SMAP1: variants seen among roughly 807,000 people sequenced by gnomAD.
SMAP1 encodes the protein small ArfGAP 1.
Under a neutral mutation model 58.5 loss-of-function variants are expected in SMAP1, and 24 were observed. The ratio of observed to expected loss-of-function variants is 0.41; its 90% CI spans 0.30 to 0.58. The LOEUF (loss-of-function observed/expected upper bound fraction) is 0.58, where lower values mean the gene tolerates loss of function less well. Ranked by LOEUF, SMAP1 falls within the 20% of genes least tolerant of loss-of-function variation. The pLI, the probability that SMAP1 is intolerant of heterozygous loss-of-function variation, is 0.29. For synonymous variants in SMAP1, 216 were observed against 196.6 expected (o/e 1.10, Z -0.82); for missense variants, 563 against 566.3 (o/e 0.99, Z 0.06).
chr6:70,788,520 A>C (rs192725968), intron 4 of SMAP1, among the ~76,000 whole-genome samples: 135 of 152,298 alleles, frequency 8.9e-4, no homozygotes, highest in African/African-American at 1.1e-3. Flanking sequence ...TGCGTACTCC[A>C]GACTCTATAG....
At chr6:70,797,545 ACAT>A (rs1310248304) in intron 5 of SMAP1, among the ~76,000 whole-genome samples, 5 of 151,986 alleles carry the variant, frequency 3.3e-5, no homozygotes, top group Non-Finnish European at 2.9e-5. Flanking sequence ...ACCCTCCCAA[ACAT>A]CATATTTTTG....
intron 3 of SMAP1, among the ~76,000 whole-genome samples, chr6:70,760,919 T>G (rs1394523262): frequency 6.6e-6 from 1 of 152,044 alleles, no homozygotes; most frequent in African/African-American, 2.4e-5. Flanking sequence ...ATGATAAAGC[T>G]TTACATTAAG....
At chr6:70,844,382 C>T (rs1267461808) in intron 7 of SMAP1, among the ~76,000 whole-genome samples, 1 of 152,042 alleles carries the variant, frequency 6.6e-6, no homozygotes, top group Non-Finnish European at 1.5e-5. Flanking sequence ...ACAGTAGCAC[C>T]ATGGGGCTCT....
chr6:70,848,604 T>C (rs1299301933), intron 7 of SMAP1, among the ~76,000 whole-genome samples: 3 of 152,198 alleles, frequency 2.0e-5, no homozygotes, highest in Non-Finnish European at 2.9e-5. Context: ...CTCTGTGTCC[T>C]AGTTGGTATA....
intron 6 of SMAP1, among the ~76,000 whole-genome samples, chr6:70,806,658 T>C (rs1769147688): frequency 6.6e-6 from 1 of 152,212 alleles, no homozygotes; most frequent in African/African-American, 2.4e-5. Flanking sequence ...TGAAAGAAGA[T>C]GCTCGATAGG....
chr6:70,724,892 A>G (rs1311465393), intron 1 of SMAP1, among the ~76,000 whole-genome samples: 1 of 151,858 alleles, frequency 6.6e-6, no homozygotes, highest in African/African-American at 2.4e-5. Context: ...GAAACTCCCA[A>G]ACATTCTATT....
chr6:70,757,225 A>G (rs1206868147), intron 3 of SMAP1, among the ~76,000 whole-genome samples: 2 of 149,634 alleles, frequency 1.3e-5, no homozygotes, highest in Non-Finnish European at 3.0e-5. Flanking sequence ...CATATCTACA[A>G]CTATCTGATC....
intron 3 of SMAP1, among the ~76,000 whole-genome samples, chr6:70,760,677 C>G (rs1269714621): frequency 1.3e-5 from 2 of 151,970 alleles, no homozygotes; most frequent in African/African-American, 4.8e-5. Context: ...TTTGAAAAGC[C>G]TAACATTTCT....
intron 1 of SMAP1, chr6:70,668,684 G>C: frequency 6.5e-7 from 1 of 1,536,030 alleles, no homozygotes; most frequent in Non-Finnish European, 8.7e-7. Flanking sequence ...TTTTATCTCT[G>C]CTTCCTGAAA....
intron 1 of SMAP1, among the ~76,000 whole-genome samples, chr6:70,698,244 A>G (rs778445471): frequency 6.6e-6 from 1 of 152,084 alleles, no homozygotes; most frequent in Non-Finnish European, 1.5e-5. Context: ...CTGGCCTGTA[A>G]GGTTTCCACT....
Position 70,726,480 on chromosome 6 carries a change from G to T in SMAP1, c.119-5898G>T, listed in dbSNP as rs193111936. Among the ~76,000 whole-genome samples the T allele has an allele frequency of 3.7e-3, 565 of 152,300 alleles. 2 individuals carry two copies. The highest frequency in any genetic ancestry group is 0.014 in the Middle Eastern group (4 of 294). On this transcript the variant is annotated intron_variant, in intron 1 of 10. Coordinates refer to ENST00000370455, the MANE Select transcript of SMAP1 (RefSeq NM_001044305.3). ...TTTTAAAAGTGCTCTTGGGGCATTG[G>T]AGAAGGCTTTATAGAATAAGTCTTA...
At chr6:70,752,784 A>C (rs181947547) in intron 2 of SMAP1, among the ~76,000 whole-genome samples, 1 of 152,142 alleles carries the variant, frequency 6.6e-6, no homozygotes, top group Admixed American at 6.6e-5. Flanking sequence ...CCTAGAAACT[A>C]AGCTTACCAA....
chr6:70,849,032 G>C (rs978206399), intron 7 of SMAP1, among the ~76,000 whole-genome samples: 4 of 152,158 alleles, frequency 2.6e-5, no homozygotes, highest in African/African-American at 9.7e-5. Context: ...AATCACATGG[G>C]GAGAAGATGG....
chr6:70,739,063 G>C (rs1348885123), intron 2 of SMAP1, among the ~76,000 whole-genome samples: 1 of 152,106 alleles, frequency 6.6e-6, no homozygotes, highest in Non-Finnish European at 1.5e-5. Flanking sequence ...TCTGGAACTG[G>C]AGAGAACCTA....
chr6:70,833,906 C>G (rs1183076244), intron 6 of SMAP1, among the ~76,000 whole-genome samples: 3 of 152,134 alleles, frequency 2.0e-5, no homozygotes. Context: ...TAGTGTTTCT[C>G]TTTATTTTGC....
At chr6:70,717,853 T>G (rs2149843693) in intron 1 of SMAP1, among the ~76,000 whole-genome samples, 1 of 152,356 alleles carries the variant, frequency 6.6e-6, no homozygotes, top group Non-Finnish European at 1.5e-5. Context: ...GTATATTCTC[T>G]TAGAAGATTA....
intron 5 of SMAP1, among the ~76,000 whole-genome samples, chr6:70,794,269 A>G (rs1768499794): frequency 6.6e-6 from 1 of 152,184 alleles, no homozygotes; most frequent in Admixed American, 6.5e-5. Flanking sequence ...TTAGGTTTTC[A>G]CAGTACTTTT....
intron 3 of SMAP1, among the ~76,000 whole-genome samples, chr6:70,770,526 T>C (rs1333523317): frequency 6.6e-6 from 1 of 152,228 alleles, no homozygotes; most frequent in Non-Finnish European, 1.5e-5. Flanking sequence ...CACCCTTTCT[T>C]CCAGTTGATT....
At chr6:70,852,441 GTTCT>G in intron 7 of SMAP1, 95 bp from the exon 8 acceptor site, 1 of 1,214,440 alleles carries the variant, frequency 8.2e-7, no homozygotes, top group Non-Finnish European at 1.1e-6. Flanking sequence ...CTTTTGAACT[GTTCT>G]TTTTTTTTAA....
Sources: gnomAD v4.1 joint callset for allele counts (sites outside exome capture counted in the v4.1 genomes callset) on GRCh38, gnomAD v4.1.1 for gene constraint, MANE v1.5 for transcripts, NCBI Gene and HGNC (gene_info 2026-07-23, HGNC 2026-07-21) for gene names.